HNRNPA2B1: variants seen among roughly 807,000 people sequenced by gnomAD.
HNRNPA2B1 encodes heterogeneous nuclear ribonucleoproteins A2/B1.
A neutral mutation model predicts 46.3 loss-of-function variants in HNRNPA2B1; 3 were observed. The observed-to-expected ratio is 0.06, with a 90% CI of 0.03 to 0.17. The LOEUF is 0.17. HNRNPA2B1 is among the 10% of genes least tolerant of loss of function. The pLI is 1.00. For synonymous variants in HNRNPA2B1, 225 were observed against 133.8 expected (o/e 1.68, Z -4.70); for missense variants, 221 against 418.9 (o/e 0.53, Z 4.12).
Position 26,191,267 on chromosome 7 carries a change from T to A in HNRNPA2B1, c.*1093A>T, listed in dbSNP as rs1008651849. 6.6e-6 allele frequency: 1 copy of A among 152,138 alleles called. No homozygotes were observed. The highest frequency in any genetic ancestry group is 2.4e-5 in the African/African-American group (1 of 41,428). The allele number at this position is 152,138 out of a possible 1,614,324, so 9.4% of individuals were successfully genotyped here. The stretch of plus-strand genomic sequence containing the variant: ...TAAATGACAGATTGGAAAACAGGGT[T>A]TATAAAAATTATTCTCTTGAGTTTA... On this transcript the variant is annotated 3_prime_UTR_variant, in exon 11 of 11. Transcript: ENST00000618183.
At chr7:26,193,746 T>C (rs1335371191) in intron 7 of HNRNPA2B1, 52 bp from the exon 8 acceptor site, 2 of 1,463,208 alleles carry the variant, frequency 1.4e-6, no homozygotes, top group Non-Finnish European at 1.9e-6. Context: ...AATACCATTT[T>C]GAACTGTCTC....
intron 8 of HNRNPA2B1, 85 bp downstream of exon 8, chr7:26,193,490 G>T: frequency 6.5e-7 from 1 of 1,534,864 alleles, no homozygotes. Flanking sequence ...TGGGCATCTA[G>T]TGACAAACAT....
At chr7:26,195,407 A>G (rs180760640) in intron 7 of HNRNPA2B1, among the ~76,000 whole-genome samples, 8 of 152,220 alleles carry the variant, frequency 5.3e-5, no homozygotes, top group African/African-American at 1.2e-4. Context: ...GGAGCACACT[A>G]AACATTTTGG....
intron 9 of HNRNPA2B1, 131 bp from the exon 10 acceptor site, chr7:26,192,708 G>C (rs1017636486): frequency 2.7e-6 from 2 of 744,944 alleles, no homozygotes; most frequent in South Asian, 3.3e-5. Flanking sequence ...TTTGCAGCCA[G>C]TTAGCAGAAT....
chr7:26,199,994 C>T (rs1473589483), intron 1 of HNRNPA2B1: 1 of 156,620 alleles, frequency 6.4e-6, no homozygotes, highest in African/African-American at 2.4e-5. Context: ...ACAAAACACT[C>T]CAAATCCACC....
At chr7:26,200,311 C>CG (rs1328545276) in intron 1 of HNRNPA2B1, 2 of 542,116 alleles carry the variant, frequency 3.7e-6, no homozygotes, top group African/African-American at 3.8e-5. Context: ...TTCACCCCAG[C>CG]GGGGCAGCGT....
intron 7 of HNRNPA2B1, 181 bp downstream of exon 7, chr7:26,195,665 AT>A: frequency 3.3e-6 from 2 of 597,718 alleles, no homozygotes; most frequent in South Asian, 4.5e-5. Context: ...ATGGCACTCT[AT>A]TCCTTAGGCT....
chr7:26,197,620 A>C lies in HNRNPA2B1; in HGVS notation c.117+2T>G, dbSNP rs201039379. On this transcript the variant is annotated splice_donor_variant, in intron 2 of 10. Coordinates refer to ENST00000618183, the MANE Select transcript of HNRNPA2B1 (RefSeq NM_002137.4). LOFTEE classifies it high-confidence loss of function. ...CCAGTAACAATTCAGTAATTTACAT[A>C]CCACACAGTCTGTAAGCTTTCCCCA... is the stretch of plus-strand genomic sequence containing the variant. 1 of 1,607,450 alleles carries C rather than the reference A, an allele frequency of 6.2e-7. No homozygotes were observed. Among genetic ancestry groups the C allele is most frequent in the Non-Finnish European group, 8.5e-7 (1 of 1,174,462 alleles).
At chr7:26,196,536 A>G in intron 5 of HNRNPA2B1, 21 bp downstream of exon 5, 1 of 1,612,680 alleles carries the variant, frequency 6.2e-7, no homozygotes, top group Non-Finnish European at 8.5e-7. Context: ...AAAAATAAAG[A>G]AGAAACAGAA....
Position 26,195,831 on chromosome 7 carries a change from G to T in HNRNPA2B1, c.721+16C>A, listed in dbSNP as rs201651457. 5.0e-6 allele frequency: 8 copies of T among 1,606,994 alleles called. No homozygotes were observed. The Admixed American group carries it at 1.2e-4, about 24-fold the overall frequency. On this transcript the variant is annotated intron_variant, in intron 7 of 10. Coordinates refer to ENST00000618183, the MANE Select transcript of HNRNPA2B1 (RefSeq NM_002137.4). ...ATTAGTCACATAAACAAACCAAAAC[G>T]TAGAGGAAAACTGACCTCCAGGTCC... is the stretch of plus-strand genomic sequence containing the variant.
chr7:26,196,018 A>T (rs1183028812), intron 6 of HNRNPA2B1, 109 bp from the exon 7 acceptor site: 1 of 1,399,352 alleles, frequency 7.1e-7, no homozygotes, highest in Non-Finnish European at 9.5e-7. Context: ...AGAACCGCAG[A>T]AAAGGACACA....
At position 26,197,035 on chromosome 7, in the gene HNRNPA2B1, TA is replaced by T; in HGVS notation, c.265-19del. 1 of 1,582,310 alleles carries T rather than the reference TA, an allele frequency of 6.3e-7. No individual in the cohort carries two copies. The highest frequency in any genetic ancestry group is 8.6e-7 in the Non-Finnish European group (1 of 1,156,992). On this transcript the variant is annotated intron_variant, in intron 3 of 10. Coordinates refer to ENST00000618183, the MANE Select transcript of HNRNPA2B1 (RefSeq NM_002137.4). ...CCAGATTCCTAAAATAGTGGTGGGGTAAAAGTCATCCAAACAGAAAAAAACA... is the reference window on the plus strand; with the variant it reads ...CCAGATTCCTAAAATAGTGGTGGGGTAAAGTCATCCAAACAGAAAAAAACA...
In HNRNPA2B1 at chr7:26,193,602, C is replaced by T; in HGVS notation, c.814G>A (p.Gly272Arg). ...CCTCCATAGTTGTCATAACCACCTC[C>T]GTAGCCCCCACCCTGGTTGCCATAT... ...PGYGNQGGGY[G>R]GGYDNYGGGN... Residue 272 changes from glycine to arginine, a missense_variant, in exon 8 of 11, where the codon GGA becomes AGA. By Grantham distance (125) the Gly-to-Arg change is moderately radical. Around this residue, in one of 2 missense-constraint regions of HNRNPA2B1, gnomAD observed 143 missense variants for 200.5 expected, o/e 0.71. Coordinates refer to ENST00000618183, the MANE Select transcript of HNRNPA2B1 (RefSeq NM_002137.4). The T allele has an allele frequency of 6.2e-7, 1 of 1,607,400 alleles. No individual in the cohort carries two copies. The highest frequency in any genetic ancestry group is 8.5e-7 in the Non-Finnish European group (1 of 1,178,322).
At chr7:26,194,400 A>C (rs1403096901) in intron 7 of HNRNPA2B1, among the ~76,000 whole-genome samples, 1 of 151,702 alleles carries the variant, frequency 6.6e-6, no homozygotes, top group Non-Finnish European at 1.5e-5. Context: ...CCTCTCAAAA[A>C]ACGAAACAAT....
In HNRNPA2B1 at chr7:26,200,724, C is replaced by A. The variant is rs1030103823; in HGVS notation, c.-147G>T. On this transcript the variant is annotated 5_prime_UTR_variant, in exon 1 of 11. Coordinates refer to ENST00000618183, the MANE Select transcript of HNRNPA2B1 (RefSeq NM_002137.4). ...CAACTCTGCGAGGAGCACCTCCGCACGGGACCCGGCGCTGCTGCTACTGCC... is the reference window on the plus strand; with the variant it reads ...CAACTCTGCGAGGAGCACCTCCGCAAGGGACCCGGCGCTGCTGCTACTGCC... 5 of 982,794 alleles carry A rather than the reference C, an allele frequency of 5.1e-6. No individual in the cohort carries two copies. The highest frequency in any genetic ancestry group is 1.3e-5 in the South Asian group (1 of 77,334). The allele number at this position is 982,794 out of a possible 1,614,324, so 60.9% of individuals were successfully genotyped here.
rs1783704002 is a variant in HNRNPA2B1 at position 26,196,879 on chromosome 7, T to G, written c.403A>C (p.Arg135=). 6.2e-7 allele frequency: 1 copy of G among 1,613,976 alleles called. No homozygotes were observed. Among genetic ancestry groups the G allele is most frequent in the Non-Finnish European group, 8.5e-7 (1 of 1,179,882 alleles). The change falls in exon 4 of 11, where the codon AGG becomes CGG. Residue 135 remains arginine, a synonymous_variant. Coordinates refer to ENST00000618183, the MANE Select transcript of HNRNPA2B1 (RefSeq NM_002137.4). ...KIDTIEIITD[R]QSGKKRGFGF... ...AAGCCTCTTTTCTTTCCAGACTGCC[T>G]ATCAGTAATTATCTCAATGGTATCA...
chr7:26,199,530 G>C (rs563983354), intron 1 of HNRNPA2B1: 1 of 152,284 alleles, frequency 6.6e-6, no homozygotes, highest in African/African-American at 2.4e-5. Context: ...TGTCCCGTAA[G>C]GGTTAAACTT....
chr7:26,199,783 T>C lies in HNRNPA2B1; in HGVS notation c.6+789A>G, dbSNP rs1039309509. 4 of 152,170 alleles carry C rather than the reference T, an allele frequency of 2.6e-5. No homozygotes were observed. In the South Asian group the frequency reaches 8.3e-4, roughly 32 times the overall value. 9.4% of individuals were successfully genotyped at this position (152,170 alleles called of 1,614,324 possible). On this transcript the variant is annotated intron_variant, in intron 1 of 10. Coordinates refer to ENST00000618183, the MANE Select transcript of HNRNPA2B1 (RefSeq NM_002137.4). ...AAAAAAAGACAGGAAAAACATAAAATGGTTTCTTTGTCCTACGGCTCGCAT... is the reference window on the plus strand; with the variant it reads ...AAAAAAAGACAGGAAAAACATAAAACGGTTTCTTTGTCCTACGGCTCGCAT...
At position 26,200,497 on chromosome 7, in the gene HNRNPA2B1, C is replaced by T. The variant is rs1309639754; in HGVS notation, c.6+75G>A. 9 of 1,486,120 alleles carry T rather than the reference C, an allele frequency of 6.1e-6. No individual in the cohort carries two copies. In the East Asian group the frequency reaches 1.1e-4, roughly 19 times the overall value. The allele number at this position is 1,486,120 out of a possible 1,614,324, so 92.1% of individuals were successfully genotyped here. ...TCCTGCCTCTCTCCCACGGAGGCGG[C>T]TGGCCGACTTCCACTGAGGCGCCAA... is the stretch of plus-strand genomic sequence containing the variant. On this transcript the variant is annotated intron_variant, in intron 1 of 10. Transcript: ENST00000618183.
Sources: gnomAD v4.1 joint callset for allele counts (sites outside exome capture counted in the v4.1 genomes callset) on GRCh38, gnomAD v4.1.1 for gene constraint, gnomAD v4.1.1 regional missense constraint, MANE v1.5 for transcripts, NCBI Gene and HGNC (gene_info 2026-07-23, HGNC 2026-07-21) for gene names.